The following PRELID2 variants were observed in gnomAD, a reference collection of about 807,000 sequenced individuals.
PRELID2 encodes PRELI domain-containing protein 2.
Under a neutral mutation model 28.4 loss-of-function variants are expected in PRELID2, and 25 were observed. That is an observed-to-expected ratio of 0.88 (90% CI 0.64 to 1.23). PRELID2 has a LOEUF of 1.23. Ranked by LOEUF, PRELID2 falls within the 50% of genes most tolerant of loss-of-function variation. The pLI, the probability that PRELID2 is intolerant of heterozygous loss-of-function variation, is 0.00. For missense variants in PRELID2, 201 were observed against 214.4 expected (o/e 0.94, Z 0.39); for synonymous variants, 76 against 71.6 (o/e 1.06, Z -0.31).
intron 1 of PRELID2, among the ~76,000 whole-genome samples, chr5:145,555,154 T>C (rs1561505362): frequency 6.6e-6 from 1 of 152,214 alleles, no homozygotes; most frequent in Non-Finnish European, 1.5e-5. Context: ...TTTCTGGGCA[T>C]GATTATTGAA....
At chr5:145,530,520 G>A (rs573409398) in intron 1 of PRELID2, among the ~76,000 whole-genome samples, 55 of 151,980 alleles carry the variant, frequency 3.6e-4, no homozygotes, top group Non-Finnish European at 7.4e-4. Flanking sequence ...AGAGAGACAG[G>A]AAGGACGATG....
the PRELID2 span, among the ~76,000 whole-genome samples, chr5:145,306,680 T>C: frequency 1.3e-5 from 2 of 152,042 alleles, no homozygotes; most frequent in Admixed American, 6.5e-5. Context: ...CTAAATTATA[T>C]GAAAATCTTG....
chr5:145,560,016 C>T lies in PRELID2; in HGVS notation n.71-86701G>A, dbSNP rs552627541. On this transcript the variant is annotated intron_variant and non_coding_transcript_variant, in intron 1 of 2. Coordinates refer to the PRELID2 transcript ENST00000510259. Reference sequence around the variant, plus strand: ...CCAAACATAGCTTAGCCTAGCCTACCTTAAACATGCTCAGAACATTTACAT... The same window carrying T: ...CCAAACATAGCTTAGCCTAGCCTACTTTAAACATGCTCAGAACATTTACAT... 3.3e-5 allele frequency among the ~76,000 whole-genome samples: 5 copies of T among 152,204 alleles called. No individual in the cohort carries two copies. The South Asian group carries it at 1.0e-3, about 32-fold the overall frequency.
intron 1 of PRELID2, among the ~76,000 whole-genome samples, chr5:145,473,474 T>C (rs1250162290): frequency 1.3e-5 from 2 of 152,202 alleles, no homozygotes; most frequent in African/African-American, 4.8e-5. Context: ...CCTCACAATA[T>C]TAAGAGATGC....
At chr5:145,409,648 T>C in the PRELID2 span, among the ~76,000 whole-genome samples, 1 of 150,718 alleles carries the variant, frequency 6.6e-6, no homozygotes, top group Non-Finnish European at 1.5e-5. Flanking sequence ...GTGTGGTGGC[T>C]CATGCCTGTA....
the PRELID2 span, among the ~76,000 whole-genome samples, chr5:145,285,836 G>C: frequency 5.3e-5 from 8 of 152,118 alleles, no homozygotes; most frequent in Non-Finnish European, 1.0e-4. Flanking sequence ...TTCAAGTAAA[G>C]GTTTAAAAGG....
intron 1 of PRELID2, among the ~76,000 whole-genome samples, chr5:145,506,752 C>A (rs975971529): frequency 1.3e-5 from 2 of 152,086 alleles, no homozygotes; most frequent in Admixed American, 1.3e-4. Context: ...AGGATTAAGA[C>A]CAATAATTCC....
intron 1 of PRELID2, among the ~76,000 whole-genome samples, chr5:145,683,710 T>G (rs1451876319): frequency 6.6e-6 from 1 of 151,470 alleles, no homozygotes; most frequent in Non-Finnish European, 1.5e-5. Flanking sequence ...ATACAGATAC[T>G]CTCAGATACT....
intron 1 of PRELID2, among the ~76,000 whole-genome samples, chr5:145,686,123 GTAAACC>G (rs1473030035): frequency 6.6e-6 from 1 of 152,112 alleles, no homozygotes; most frequent in Non-Finnish European, 1.5e-5. Context: ...AATTACACAT[GTAAACC>G]CACTCACTTT....
chr5:145,327,063 A>C, the PRELID2 span, among the ~76,000 whole-genome samples: 1 of 152,118 alleles, frequency 6.6e-6, no homozygotes, highest in Non-Finnish European at 1.5e-5. Flanking sequence ...CTTAAGGCCT[A>C]AAATCGTAAA....
chr5:145,815,719 G>T (rs538423703), intron 4 of PRELID2, among the ~76,000 whole-genome samples: 73 of 152,274 alleles, frequency 4.8e-4, no homozygotes, highest in African/African-American at 1.8e-3. Context: ...ATTTGTCCAT[G>T]TTTAACCATG....
the PRELID2 span, among the ~76,000 whole-genome samples, chr5:145,238,274 T>G: frequency 1.3e-5 from 2 of 152,152 alleles, no homozygotes; most frequent in Non-Finnish European, 2.9e-5. Context: ...ATAAGGTAAT[T>G]GTTATCCCCA....
the PRELID2 span, among the ~76,000 whole-genome samples, chr5:145,328,191 G>A: frequency 1.3e-5 from 2 of 152,072 alleles, no homozygotes; most frequent in Admixed American, 1.3e-4. Context: ...TCGTTGATGG[G>A]CATTTGGGCT....
chr5:145,740,794 T>C (rs1189853099), intron 1 of PRELID2, among the ~76,000 whole-genome samples: 1 of 117,534 alleles, frequency 8.5e-6, no homozygotes, highest in Non-Finnish European at 1.6e-5. Context: ...CATATCTTTA[T>C]ACATATATGT....
the PRELID2 span, among the ~76,000 whole-genome samples, chr5:145,238,983 A>ATCTATCTATCTATCTG: frequency 6.6e-6 from 1 of 151,960 alleles, no homozygotes; most frequent in African/African-American, 2.4e-5. Context: ...CTATCTATCT[A>ATCTATCTATCTATCTG]TCTGTCTATC....
chr5:145,426,977 G>T, the PRELID2 span, among the ~76,000 whole-genome samples: 3 of 152,298 alleles, frequency 2.0e-5, no homozygotes, highest in South Asian at 6.2e-4. Context: ...TTCGGCAACT[G>T]AGTCAAATCT....
intron 1 of PRELID2, among the ~76,000 whole-genome samples, chr5:145,663,515 T>C (rs1754532615): frequency 2.0e-5 from 3 of 152,190 alleles, no homozygotes; most frequent in Non-Finnish European, 2.9e-5. Context: ...GGACTTATAC[T>C]GGCTGTGAAC....
intron 1 of PRELID2, among the ~76,000 whole-genome samples, chr5:145,727,394 T>C (rs1756200811): frequency 6.6e-6 from 1 of 151,836 alleles, no homozygotes; most frequent in South Asian, 2.1e-4. Context: ...CCATGAGGGG[T>C]TTTAGACCCT....
chr5:145,719,231 G>A (rs1214881681), intron 1 of PRELID2, among the ~76,000 whole-genome samples: 1 of 151,892 alleles, frequency 6.6e-6, no homozygotes, highest in Non-Finnish European at 1.5e-5. Flanking sequence ...GGAGTAGCAT[G>A]TCTAAGATTA....
Sources: gnomAD v4.1 joint callset for allele counts (sites outside exome capture counted in the v4.1 genomes callset) on GRCh38, gnomAD v4.1.1 for gene constraint, MANE v1.5 for transcripts, NCBI Gene and HGNC (gene_info 2026-07-23, HGNC 2026-07-21) for gene names.